ATG9A: variants seen among roughly 807,000 people sequenced by gnomAD.
ATG9A encodes autophagy related 9A.
ATG9A carries 21 observed loss-of-function variants against 87.1 expected under a neutral mutation model. That is an observed-to-expected ratio of 0.24 (90% CI 0.17 to 0.35). ATG9A has a LOEUF of 0.35. Ranked by LOEUF, ATG9A falls within the 10% of genes least tolerant of loss-of-function variation. ATG9A has a pLI of 1.00. For synonymous variants in ATG9A, 422 were observed against 441.3 expected (o/e 0.96, Z 0.55); for missense variants, 836 against 1,107.3 (o/e 0.76, Z 3.48).
rs1236363891 is a variant in ATG9A, at chr2:219,219,431, AC to A, written c.*1015del. ...GGTTATCAAGCTGTACACGGTCCCT[AC>A]CCTGCTCCGCTCCGAGTTCGGGCAG... On this transcript the variant is annotated 3_prime_UTR_variant, in exon 16 of 16. Transcript: ENST00000361242. The A allele has an allele frequency of 6.6e-6, 1 of 152,560 alleles. No homozygotes were observed. Among genetic ancestry groups the A allele is most frequent in the Non-Finnish European group, 1.5e-5 (1 of 68,072 alleles). The allele number at this position is 152,560 out of a possible 1,614,324, so 9.5% of individuals were successfully genotyped here.
Position 219,220,420 on chromosome 2 carries a change from G to T in ATG9A, c.*27C>A. The stretch of plus-strand genomic sequence containing the variant: ...CAGGGCAGCGGTGGCCTCCATCCTG[G>T]GCCACAGGAACCCTGCTCAGCCTTG... On this transcript the variant is annotated 3_prime_UTR_variant, in exon 16 of 16. Transcript: ENST00000361242. The T allele has an allele frequency of 6.2e-7, 1 of 1,613,422 alleles. No individual in the cohort carries two copies.
intron 4 of ATG9A, 55 bp downstream of exon 4, chr2:219,227,715 G>C: frequency 6.3e-7 from 1 of 1,591,872 alleles, no homozygotes; most frequent in Non-Finnish European, 8.6e-7. Flanking sequence ...CCAGAGCCCC[G>C]GCTTAGAGAG....
chr2:219,227,527 G>C (rs1375895286), intron 4 of ATG9A, among the ~76,000 whole-genome samples: 1 of 151,126 alleles, frequency 6.6e-6, no homozygotes, highest in Admixed American at 6.6e-5. Context: ...AAAAAAAAAG[G>C]AGGCTCACCC....
intron 5 of ATG9A, 87 bp from the exon 6 acceptor site, chr2:219,225,659 A>G: frequency 6.9e-7 from 1 of 1,445,426 alleles, no homozygotes; most frequent in South Asian, 1.3e-5. Flanking sequence ...TGGAGGTGGC[A>G]GAACAAGACT....
chr2:219,228,821 C>G (rs1950929063), intron 1 of ATG9A: 1 of 152,312 alleles, frequency 6.6e-6, no homozygotes, highest in Non-Finnish European at 1.5e-5. Flanking sequence ...CACAAAACCT[C>G]AAGAGTCTTT....
chr2:219,221,601 G>C (rs1050186113), intron 13 of ATG9A, among the ~76,000 whole-genome samples: 1 of 152,168 alleles, frequency 6.6e-6, no homozygotes, highest in Non-Finnish European at 1.5e-5. Flanking sequence ...GGAGATAGCA[G>C]TGAACAAAAC....
At chr2:219,220,930 G>A (rs1174649645) in intron 14 of ATG9A, 38 bp from the exon 15 acceptor site, 7 of 1,608,888 alleles carry the variant, frequency 4.4e-6, no homozygotes, top group Non-Finnish European at 5.9e-6. Context: ...CTCATAGAAG[G>A]AACACAAGAA....
At chr2:219,221,439 T>C (rs1206211154) in intron 13 of ATG9A, 137 bp from the exon 14 acceptor site, 3 of 740,080 alleles carry the variant, frequency 4.1e-6, no homozygotes, top group Non-Finnish European at 6.5e-6. Context: ...ATTATGTTAA[T>C]AGTGTGTAAT....
In ATG9A at chr2:219,229,140, G is replaced by A. The variant is rs1161582095; in HGVS notation, c.-82+395C>T. 6.6e-6 allele frequency: 1 copy of A among 152,176 alleles called. No individual in the cohort carries two copies. Among genetic ancestry groups the A allele is most frequent in the Admixed American group, 6.5e-5 (1 of 15,292 alleles). 9.4% of individuals were successfully genotyped at this position (152,176 alleles called of 1,614,324 possible). A position where few individuals can be genotyped will look rare whatever the true frequency, so the allele number is the denominator to read the frequency against. ...GGGTCAGTGTGGACCAGGGCCCGTGGAGCCCCGGCCGGCTGGGCCTGGGCT... is the reference window on the plus strand; with the variant it reads ...GGGTCAGTGTGGACCAGGGCCCGTGAAGCCCCGGCCGGCTGGGCCTGGGCT... On this transcript the variant is annotated intron_variant, in intron 1 of 15. Coordinates refer to ENST00000361242, the MANE Select transcript of ATG9A (RefSeq NM_001077198.3). This position sits in a 1 kb window ranked among gnomAD's most constrained non-coding sequence, Gnocchi z 4.2.
Position 219,222,871 on chromosome 2 carries a change from T to G in ATG9A, c.1622A>C (p.Glu541Ala), listed in dbSNP as rs1950789738. ...HPQWLSAGQTEASVYQQAEDG... is the reference protein window; with the variant it reads ...HPQWLSAGQTAASVYQQAEDG... Reference sequence around the variant, plus strand: ...CTCAGCTTGCTGGTACACTGAGGCCTCTGTCTGCCCAGCAGATAGCCACTG... The same window carrying G: ...CTCAGCTTGCTGGTACACTGAGGCCGCTGTCTGCCCAGCAGATAGCCACTG... The change falls in exon 11 of 16, where the codon GAG becomes GCG. Residue 541 changes from glutamate to alanine, a missense_variant. By Grantham distance (107) the Glu-to-Ala change is moderately radical (BLOSUM62 -1). This residue lies in a region of ATG9A where 512 missense variants were observed against 759.6 expected (regional missense o/e 0.67). Transcript: ENST00000361242. This position sits in a 1 kb window ranked among gnomAD's most constrained non-coding sequence, Gnocchi z 4.3. 6.2e-7 allele frequency: 1 copy of G among 1,613,956 alleles called. No individual in the cohort carries two copies. The highest frequency in any genetic ancestry group is 1.3e-5 in the African/African-American group (1 of 74,904).
intron 2 of ATG9A, 21 bp from the exon 3 acceptor site, chr2:219,228,074 G>T (rs756582606): frequency 5.2e-6 from 8 of 1,537,338 alleles, no homozygotes; most frequent in Non-Finnish European, 7.2e-6. Flanking sequence ...GGAGGAAGAA[G>T]AGACCCTGAT....
Position 219,222,427 on chromosome 2 carries a change from C to T in ATG9A, c.1872G>A (p.Val624=). 1 of 1,573,274 alleles carries T rather than the reference C, an allele frequency of 6.4e-7. No individual in the cohort carries two copies. Among genetic ancestry groups the T allele is most frequent in the Non-Finnish European group, 8.6e-7 (1 of 1,160,780 alleles). Residue 624 remains valine, a synonymous_variant, in exon 12 of 16, where the codon GTG becomes GTA. Transcript: ENST00000361242. The surrounding 1 kb of genome is among the most constrained non-coding windows in gnomAD (Gnocchi z 4.3). ...ESEPLSLIAN[V]VAGSSCRGPP... is the part of the protein sequence containing the mutation. ...GGCCCCGGCAGGATGAGCCAGCTAC[C>T]ACATTTGCGATAAGGCTCAGGGGCT...
intron 6 of ATG9A, 40 bp from the exon 7 acceptor site, chr2:219,225,252 G>A (rs367756923): frequency 6.8e-6 from 11 of 1,613,012 alleles, no homozygotes; most frequent in Admixed American, 5.0e-5. Flanking sequence ...TGGCCCTCGA[G>A]GAAGGAGTCT....
chr2:219,220,650 G>C (rs575034171), intron 15 of ATG9A, 97 bp downstream of exon 15: 1 of 1,518,442 alleles, frequency 6.6e-7, no homozygotes, highest in East Asian at 2.3e-5. Context: ...GTATCTCTGT[G>C]TGGGGGTGGG....
chr2:219,219,586 A>G lies in ATG9A; in HGVS notation c.*861T>C, dbSNP rs1483428551. 2 of 152,662 alleles carry G rather than the reference A, an allele frequency of 1.3e-5. No individual in the cohort carries two copies. The highest frequency in any genetic ancestry group is 2.1e-4 in the South Asian group (1 of 4,846). 9.5% of individuals were successfully genotyped at this position (152,662 alleles called of 1,614,324 possible). On this transcript the variant is annotated 3_prime_UTR_variant, in exon 16 of 16. Transcript: ENST00000361242. ...GAGGCATCGCCCTTCATCCCCCTTC[A>G]GGGCACAGCGAGATGCGGGCCAGAG...
chr2:219,223,200 G>T lies in ATG9A; in HGVS notation c.1600-307C>A, dbSNP rs1339586533. Among the ~76,000 whole-genome samples the T allele has an allele frequency of 2.0e-5, 3 of 150,580 alleles. No homozygotes were observed. The highest frequency in any genetic ancestry group is 7.4e-5 in the African/African-American group (3 of 40,756). On this transcript the variant is annotated intron_variant, in intron 10 of 15. Coordinates refer to ENST00000361242, the MANE Select transcript of ATG9A (RefSeq NM_001077198.3). The surrounding 1 kb of genome is among the most constrained non-coding windows in gnomAD (Gnocchi z 4.7). ...CCTCCCAGGTTCACGCCATTCTCCT[G>T]CCTCAGCCTCCCGAGTAGCTGGGAC...
Position 219,225,488 on chromosome 2 carries a change from G to C in ATG9A, c.297C>G (p.Asn99Lys). Residue 99 changes from asparagine to lysine, a missense_variant, in exon 6 of 16, where the codon AAC becomes AAG. Asn to Lys is a moderately conservative substitution (Grantham distance 94). Around this residue, in one of 2 missense-constraint regions of ATG9A, gnomAD observed 512 missense variants for 759.6 expected, o/e 0.67. Transcript: ENST00000361242. ...CGGGTTCAGTAGGGTGAAGACTGTG[G>C]TTCACCATCTTGTTGGCAAATAGGA... ...YDILFANKMV[N>K]HSLHPTEPVK... The C allele has an allele frequency of 6.2e-7, 1 of 1,614,150 alleles. No homozygotes were observed. Among genetic ancestry groups the C allele is most frequent in the Non-Finnish European group, 8.5e-7 (1 of 1,179,982 alleles).
In ATG9A at chr2:219,222,366, T is replaced by A; in HGVS notation, c.1933A>T (p.Arg645Trp). ...LPRDLQGSRH[R>W]AEVASALRSF... ...CGCAGGGCAGAGGCGACTTCAGCCC[T>A]GTGCCTGGAGCCCTGCAGGTCTCTG... is the stretch of plus-strand genomic sequence containing the variant. Residue 645 changes from arginine (R) to tryptophan (W), a missense_variant, in exon 12 of 16, where the codon AGG becomes TGG. Physicochemically the swap from Arg to Trp is moderately radical, Grantham distance 101 (BLOSUM62 -3). This residue lies in a region of ATG9A where 324 missense variants were observed against 347.6 expected (regional missense o/e 0.93). Transcript: ENST00000361242. This position sits in a 1 kb window ranked among gnomAD's most constrained non-coding sequence, Gnocchi z 4.3. 1 of 1,611,934 alleles carries A rather than the reference T, an allele frequency of 6.2e-7. No individual in the cohort carries two copies. The highest frequency in any genetic ancestry group is 8.5e-7 in the Non-Finnish European group (1 of 1,179,366).
chr2:219,220,470 T>A lies in ATG9A; in HGVS notation c.2515-18A>T. On this transcript the variant is annotated intron_variant, in intron 15 of 15. Coordinates refer to ENST00000361242, the MANE Select transcript of ATG9A (RefSeq NM_001077198.3). ...GTCTATACCTGTGGGGAGAAAGGGT[T>A]GGTAATGGAGATAGTCTTCAGCTTC... is the stretch of plus-strand genomic sequence containing the variant. 6.2e-7 allele frequency: 1 copy of A among 1,613,630 alleles called. No homozygotes were observed. Among genetic ancestry groups the A allele is most frequent in the Non-Finnish European group, 8.5e-7 (1 of 1,179,658 alleles).
Sources: allele counts gnomAD v4.1 joint callset (sites outside exome capture counted in the v4.1 genomes callset), GRCh38; gene constraint gnomAD v4.1.1; regional missense constraint gnomAD v4.1.1; non-coding constraint Gnocchi (gnomAD v3.1); transcripts MANE v1.5; gene names NCBI Gene and HGNC (gene_info 2026-07-23, HGNC 2026-07-21).